Variants in NUP98 observed in about 807,000 individuals in gnomAD.
NUP98 encodes the protein nucleoporin 98 and 96 precursor, also known as nuclear pore complex protein Nup98-Nup96.
A neutral mutation model predicts 191.9 loss-of-function variants in NUP98; 26 were observed. The ratio of observed to expected loss-of-function variants is 0.14; its 90% CI spans 0.10 to 0.19. The LOEUF (loss-of-function observed/expected upper bound fraction) is 0.19. Ranked by LOEUF, NUP98 falls within the 10% of genes least tolerant of loss-of-function variation. NUP98 has a pLI of 1.00. For missense variants in NUP98, 1,941 were observed against 2,178.8 expected (o/e 0.89, Z 2.17); for synonymous variants, 808 against 778.4 (o/e 1.04, Z -0.63).
At chr11:3,731,240 G>T in intron 14 of NUP98, 151 bp downstream of exon 14, 1 of 418,104 alleles carries the variant, frequency 2.4e-6, no homozygotes, top group South Asian at 8.1e-5. Context: ...CTCCAGCCTG[G>T]GTGACAGAGT....
chr11:3,751,282 C>T (rs2080740302), intron 11 of NUP98, among the ~76,000 whole-genome samples: 1 of 152,098 alleles, frequency 6.6e-6, no homozygotes, highest in African/African-American at 2.4e-5. Flanking sequence ...AGCTTGAAAC[C>T]AGGAGGCGGA....
chr11:3,770,920 T>C (rs1216625801), intron 7 of NUP98, among the ~76,000 whole-genome samples: 6 of 152,146 alleles, frequency 3.9e-5, no homozygotes, highest in African/African-American at 1.4e-4. Flanking sequence ...TGGAGTGCAA[T>C]GGTGTGATCT....
chr11:3,779,319 A>C, intron 2 of NUP98, 62 bp from the exon 3 acceptor site: 4 of 1,235,152 alleles, frequency 3.2e-6, no homozygotes, highest in South Asian at 1.2e-5. Flanking sequence ...AGATGACCAA[A>C]TGAAAAGGCA....
intron 11 of NUP98, among the ~76,000 whole-genome samples, chr11:3,752,150 A>G (rs532884338): frequency 6.6e-6 from 1 of 151,916 alleles, no homozygotes; most frequent in African/African-American, 2.4e-5. Flanking sequence ...TCTCAAAAAA[A>G]AAAAAGGGAA....
intron 25 of NUP98, among the ~76,000 whole-genome samples, chr11:3,696,152 T>C (rs917277207): frequency 5.9e-5 from 9 of 151,838 alleles, no homozygotes; most frequent in African/African-American, 1.9e-4. Flanking sequence ...GATCGCACCA[T>C]TGCACTCCAG....
At chr11:3,771,959 T>C in intron 6 of NUP98, 31 bp from the exon 7 acceptor site, 1 of 1,575,988 alleles carries the variant, frequency 6.3e-7, no homozygotes, top group Non-Finnish European at 8.7e-7. Flanking sequence ...TTTCTAATCT[T>C]AACATGCAGC....
At chr11:3,699,698 A>G (rs2078617804) in intron 24 of NUP98, among the ~76,000 whole-genome samples, 1 of 152,236 alleles carries the variant, frequency 6.6e-6, no homozygotes, top group African/African-American at 2.4e-5. Flanking sequence ...AGTACTGTTT[A>G]TCATTTAAGC....
chr11:3,746,294 A>AAAAAAAAAAAAAG lies in NUP98; in HGVS notation c.1268-1646_1268-1645insCTTTTTTTTTTTT, dbSNP rs144936005. On this transcript the variant is annotated intron_variant, in intron 11 of 32. Coordinates refer to ENST00000324932, the MANE Select transcript of NUP98 (RefSeq NM_016320.5). ...CAAAAAAAAAAAAAAAAAAAAAAAA[A>AAAAAAAAAAAAAG]GACAGCTTTGGGACAAAGAATAAGA... is the stretch of plus-strand genomic sequence containing the variant. 6.6e-4 allele frequency among the ~76,000 whole-genome samples: 61 copies of AAAAAAAAAAAAAG among 93,060 alleles called. 5 individuals carry two copies. Among genetic ancestry groups the AAAAAAAAAAAAAG allele is most frequent in the African/African-American group, 1.0e-3 (20 of 19,968 alleles). The allele number at this position is 93,060 out of a possible 152,430, so 61.1% of individuals were successfully genotyped here. A position where few individuals can be genotyped will look rare whatever the true frequency, so the allele number is the denominator to read the frequency against.
chr11:3,732,537 G>GA (rs921029821), intron 13 of NUP98, among the ~76,000 whole-genome samples: 1 of 151,422 alleles, frequency 6.6e-6, no homozygotes, highest in Non-Finnish European at 1.5e-5. Flanking sequence ...TTGCTCTGGG[G>GA]AAAAAAAAGG....
At chr11:3,760,924 A>G (rs1010824126) in intron 9 of NUP98, among the ~76,000 whole-genome samples, 3 of 152,238 alleles carry the variant, frequency 2.0e-5, no homozygotes, top group African/African-American at 7.2e-5. Flanking sequence ...AAAAAATAAC[A>G]AGGCCATCAA....
intron 1 of NUP98, among the ~76,000 whole-genome samples, chr11:3,789,814 T>A (rs748322627): frequency 2.6e-5 from 4 of 152,120 alleles, no homozygotes; most frequent in African/African-American, 4.8e-5. Context: ...ACAGTCTTGC[T>A]CTGTTGCCAG....
chr11:3,765,152 A>G (rs1417763435), intron 8 of NUP98, among the ~76,000 whole-genome samples: 2 of 152,142 alleles, frequency 1.3e-5, no homozygotes, highest in Non-Finnish European at 2.9e-5. Context: ...AGGTCTTTTC[A>G]CTTTGATGAT....
chr11:3,702,904 C>T lies in NUP98; in HGVS notation c.3083-12G>A, dbSNP rs757460108. 26 of 1,590,714 alleles carry T rather than the reference C, an allele frequency of 1.6e-5. No homozygotes were observed. Among genetic ancestry groups the T allele is most frequent in the Middle Eastern group, 1.7e-4 (1 of 5,966 alleles). On this transcript the variant is annotated splice_polypyrimidine_tract_variant and intron_variant, in intron 22 of 32. Coordinates refer to ENST00000324932, the MANE Select transcript of NUP98 (RefSeq NM_016320.5). ...TAGTAACCCACCAACTGAAATGAAGCGGGAATGAAGGGGAGAAAGACTATT... is the reference window on the plus strand; with the variant it reads ...TAGTAACCCACCAACTGAAATGAAGTGGGAATGAAGGGGAGAAAGACTATT...
chr11:3,782,127 G>C lies in NUP98; in HGVS notation c.-10C>G. On this transcript the variant is annotated 5_prime_UTR_variant, in exon 2 of 33. Transcript: ENST00000324932. ...ATGATTTGTTAAACATCTTCAAAATGAGTCTTTGTTTCAGAAAGCTGGGAA... is the reference window on the plus strand; with the variant it reads ...ATGATTTGTTAAACATCTTCAAAATCAGTCTTTGTTTCAGAAAGCTGGGAA... 6.2e-7 allele frequency: 1 copy of C among 1,600,336 alleles called. No homozygotes were observed. The highest frequency in any genetic ancestry group is 8.5e-7 in the Non-Finnish European group (1 of 1,170,766).
intron 18 of NUP98, among the ~76,000 whole-genome samples, chr11:3,717,799 T>C (rs1322337668): frequency 6.6e-6 from 1 of 152,238 alleles, no homozygotes; most frequent in Non-Finnish European, 1.5e-5. Context: ...TGAAAGAGTG[T>C]TGGATTTTGG....
At chr11:3,698,914 T>G in intron 25 of NUP98, 168 bp downstream of exon 25, 5 of 730,310 alleles carry the variant, frequency 6.8e-6, no homozygotes, top group Non-Finnish European at 1.1e-5. Context: ...AAGTTAAATT[T>G]TATGTTATAT....
At chr11:3,729,478 GAGGCTGAGGCTTGAGCCC>G (rs961146873) in intron 14 of NUP98, among the ~76,000 whole-genome samples, 2 of 149,102 alleles carry the variant, frequency 1.3e-5, no homozygotes, top group East Asian at 3.9e-4. Flanking sequence ...AACACCTTGG[GAGGCTGAGGCTTGAGCCC>G]AGGAGTTCGA....
At chr11:3,744,457 G>GC (rs780554944) in intron 12 of NUP98, 52 bp downstream of exon 12, 7 of 1,553,814 alleles carry the variant, frequency 4.5e-6, no homozygotes, top group Non-Finnish European at 5.2e-6. Flanking sequence ...AATCAGGTCA[G>GC]CAAGTATTAG....
At chr11:3,700,930 A>G (rs1213207455) in intron 23 of NUP98, 91 bp from the exon 24 acceptor site, 1 of 850,890 alleles carries the variant, frequency 1.2e-6, no homozygotes, top group Non-Finnish European at 1.8e-6. Context: ...TCTTTTTATG[A>G]TTACAAACGG....
Sources: allele counts gnomAD v4.1 joint callset (sites outside exome capture counted in the v4.1 genomes callset), GRCh38; gene constraint gnomAD v4.1.1; transcripts MANE v1.5; gene names NCBI Gene and HGNC (gene_info 2026-07-23, HGNC 2026-07-21).